ARHGEF16: variants seen among roughly 807,000 people sequenced by gnomAD.
ARHGEF16 encodes Rho guanine exchange factor (GEF) 16.
ARHGEF16 carries 59 observed loss-of-function variants against 74.1 expected under a neutral mutation model. The ratio of observed to expected loss-of-function variants is 0.80; its 90% CI spans 0.65 to 0.99. The LOEUF is 0.99. Ranked by LOEUF, ARHGEF16 falls within the 50% of genes least tolerant of loss-of-function variation. The probability of loss-of-function intolerance (pLI) is 0.00; values close to 1 mark genes in which losing one functional copy is unlikely to be tolerated. For missense variants in ARHGEF16, 948 were observed against 986.6 expected (o/e 0.96, Z 0.52); for synonymous variants, 415 against 412.6 (o/e 1.01, Z -0.07).
At position 3,478,513 on chromosome 1, in the gene ARHGEF16, G is replaced by GCGGCAACCGTAGCTCCTCCGTGCC; in HGVS notation, c.1717_1740dup (p.Gly573_Pro580dup). 6.2e-7 allele frequency: 1 copy of GCGGCAACCGTAGCTCCTCCGTGCC among 1,612,680 alleles called. No individual in the cohort carries two copies. The highest frequency in any genetic ancestry group is 8.5e-7 in the Non-Finnish European group (1 of 1,179,856). ...CCGTCTGAGCTCCCTCTGCCCGGGG[G>GCGGCAACCGTAGCTCCTCCGTGCC]CGGCAACCGTAGCTCCTCCGTGCCC... On this transcript the variant is annotated inframe_insertion, in exon 12 of 15. Coordinates refer to ENST00000378378, the MANE Select transcript of ARHGEF16 (RefSeq NM_014448.4).
At chr1:3,469,312 G>T in intron 5 of ARHGEF16, 121 bp from the exon 6 acceptor site, 1 of 1,160,904 alleles carries the variant, frequency 8.6e-7, no homozygotes, top group African/African-American at 1.5e-5. Flanking sequence ...GGGTGTGTCT[G>T]GGGTTCCTGT....
intron 1 of ARHGEF16, among the ~76,000 whole-genome samples, chr1:3,462,090 G>A (rs554157103): frequency 2.6e-5 from 4 of 151,950 alleles, no homozygotes; most frequent in African/African-American, 9.6e-5. Context: ...GGGCGGGCAG[G>A]AGTGTGGCGG....
chr1:3,454,686 G>C lies in ARHGEF16; in HGVS notation c.-145G>C, dbSNP rs973258377. ...CTCCAGCCAGACCGCGCAGGAAGCG[G>C]AGGAGGCGCCCCGGGCCGGACCGCG... On this transcript the variant is annotated 5_prime_UTR_variant, in exon 1 of 15. Coordinates refer to ENST00000378378, the MANE Select transcript of ARHGEF16 (RefSeq NM_014448.4). The C allele has an allele frequency of 6.6e-6, 1 of 151,968 alleles. No individual in the cohort carries two copies. Among genetic ancestry groups the C allele is most frequent in the African/African-American group, 2.4e-5 (1 of 41,386 alleles). The allele number at this position is 151,968 out of a possible 1,614,324, so 9.4% of individuals were successfully genotyped here. A position where few individuals can be genotyped will look rare whatever the true frequency, so the allele number is the denominator to read the frequency against.
Position 3,463,652 on chromosome 1 carries a change from C to T in ARHGEF16, c.568C>T (p.Arg190Trp), listed in dbSNP as rs950525199. The change falls in exon 2 of 15, where the codon CGG becomes TGG. Residue 190 changes from arginine to tryptophan, a missense_variant. Arg to Trp is a moderately radical substitution (Grantham distance 101, BLOSUM62 -3). Transcript: ENST00000378378. ...TGAGGAACCCAGCCAGCCTCATACT[C>T]GGAGCCCGGCCAAAAACAAGGTAGG... ...LAEEPSQPHT[R>W]SPAKNKKTLG... 5 of 1,408,316 alleles carry T rather than the reference C, an allele frequency of 3.6e-6. No homozygotes were observed. The South Asian group carries it at 5.4e-5, about 15-fold the overall frequency. 87.2% of individuals were successfully genotyped at this position (1,408,316 alleles called of 1,614,324 possible).
In ARHGEF16 at chr1:3,467,342, C is replaced by G; in HGVS notation, c.804+5C>G. ...ACCTGGAGCCAGCTCCCAGAGGTAGCGCCGGAGGGTGGGTGAGGCTGCCCC... is the reference window on the plus strand; with the variant it reads ...ACCTGGAGCCAGCTCCCAGAGGTAGGGCCGGAGGGTGGGTGAGGCTGCCCC... On this transcript the variant is annotated splice_donor_5th_base_variant and intron_variant, in intron 4 of 14. Transcript: ENST00000378378. 1 of 1,544,872 alleles carries G rather than the reference C, an allele frequency of 6.5e-7. No homozygotes were observed. The highest frequency in any genetic ancestry group is 8.7e-7 in the Non-Finnish European group (1 of 1,143,274).
intron 4 of ARHGEF16, among the ~76,000 whole-genome samples, chr1:3,468,262 G>A (rs1276608660): frequency 6.6e-6 from 1 of 152,118 alleles, no homozygotes; most frequent in African/African-American, 2.4e-5. Context: ...GGCGCTGTTG[G>A]CGGCCTTTCT....
intron 8 of ARHGEF16, chr1:3,474,189 A>G (rs1162979038): frequency 1.0e-5 from 2 of 194,976 alleles, no homozygotes; most frequent in African/African-American, 4.6e-5. Context: ...ACACACAGGC[A>G]CTGCACACAC....
chr1:3,468,847 T>C (rs1299473996), intron 4 of ARHGEF16, 33 bp from the exon 5 acceptor site: 5 of 1,549,670 alleles, frequency 3.2e-6, no homozygotes, highest in African/African-American at 2.7e-5. Flanking sequence ...CTAGGACGTG[T>C]GACCGAGAGC....
chr1:3,475,742 T>C (rs1639851884), intron 9 of ARHGEF16, among the ~76,000 whole-genome samples: 1 of 148,690 alleles, frequency 6.7e-6, no homozygotes, highest in African/African-American at 2.5e-5. Flanking sequence ...GGCCCAGAGG[T>C]TCCCAGATTA....
chr1:3,473,722 C>A, intron 8 of ARHGEF16, 200 bp downstream of exon 8: 1 of 870,720 alleles, frequency 1.1e-6, no homozygotes. Flanking sequence ...GCTCACTGTG[C>A]CGGGAACTGT....
intron 4 of ARHGEF16, 130 bp from the exon 5 acceptor site, chr1:3,468,750 G>A (rs188653882): frequency 1.3e-5 from 13 of 987,330 alleles, no homozygotes; most frequent in East Asian, 5.3e-5. Flanking sequence ...CTCCAGGATC[G>A]GACCTACCTG....
At chr1:3,468,740 C>A in intron 4 of ARHGEF16, 140 bp from the exon 5 acceptor site, 2 of 881,518 alleles carry the variant, frequency 2.3e-6, no homozygotes, top group Non-Finnish European at 3.7e-6. Flanking sequence ...GACAGGCCTA[C>A]TCCAGGATCG....
intron 2 of ARHGEF16, 77 bp from the exon 3 acceptor site, chr1:3,466,071 G>T: frequency 1.3e-6 from 2 of 1,492,840 alleles, no homozygotes; most frequent in African/African-American, 1.4e-5. Flanking sequence ...AGGTCTCTGG[G>T]GTCCCAGGGC....
chr1:3,460,291 C>T (rs1639360667), intron 1 of ARHGEF16, among the ~76,000 whole-genome samples: 1 of 152,238 alleles, frequency 6.6e-6, no homozygotes, highest in African/African-American at 2.4e-5. Flanking sequence ...TCTCCTGGGA[C>T]AGCTGCTGCC....
In ARHGEF16 at chr1:3,480,677, A is replaced by C; in HGVS notation, c.*90A>C. ...CTAGAGAGCGTGGGGAGCTGGTCTC[A>C]AGGACCCAGCATGGTTCCCTGGGGC... On this transcript the variant is annotated 3_prime_UTR_variant, in exon 15 of 15. Coordinates refer to ENST00000378378, the MANE Select transcript of ARHGEF16 (RefSeq NM_014448.4). 3.3e-6 allele frequency: 5 copies of C among 1,503,120 alleles called. No individual in the cohort carries two copies. The highest frequency in any genetic ancestry group is 4.5e-6 in the Non-Finnish European group (5 of 1,121,572). The allele number at this position is 1,503,120 out of a possible 1,614,324, so 93.1% of individuals were successfully genotyped here.
chr1:3,467,758 C>T (rs1007727656), intron 4 of ARHGEF16, among the ~76,000 whole-genome samples: 3 of 152,140 alleles, frequency 2.0e-5, no homozygotes, highest in Non-Finnish European at 2.9e-5. Flanking sequence ...ATTGGGGGCC[C>T]GTCCCTGCCC....
At position 3,478,743 on chromosome 1, in the gene ARHGEF16, G is replaced by A. The variant is rs976140321; in HGVS notation, c.1814+131G>A. ...CGCCCACCGTGCACCTGGCCCTGCT[G>A]TAGGTGCTGAGGTAGAGCCAGAAAC... On this transcript the variant is annotated intron_variant, in intron 12 of 14. Transcript: ENST00000378378. 1.8e-5 allele frequency: 19 copies of A among 1,075,700 alleles called. No individual in the cohort carries two copies. In the African/African-American group the frequency reaches 2.5e-4, roughly 14 times the overall value. 66.6% of individuals were successfully genotyped at this position (1,075,700 alleles called of 1,614,324 possible).
At chr1:3,455,352 C>G (rs1639243063) in intron 1 of ARHGEF16, among the ~76,000 whole-genome samples, 1 of 152,034 alleles carries the variant, frequency 6.6e-6, no homozygotes, top group African/African-American at 2.4e-5. Flanking sequence ...CCAAACCATA[C>G]GCCCCTCCCC....
At chr1:3,471,545 G>C (rs1352231309) in intron 6 of ARHGEF16, 3 of 811,878 alleles carry the variant, frequency 3.7e-6, no homozygotes, top group East Asian at 1.3e-4. Flanking sequence ...GGCTGGGGGA[G>C]GGGGAGGGGT....
Sources: allele counts gnomAD v4.1 joint callset (sites outside exome capture counted in the v4.1 genomes callset), GRCh38; gene constraint gnomAD v4.1.1; transcripts MANE v1.5; gene names NCBI Gene and HGNC (gene_info 2026-07-23, HGNC 2026-07-21).